Variants in EXOC6B observed in about 807,000 individuals in gnomAD.
EXOC6B encodes SEC15 homolog B.
A neutral mutation model predicts 113.5 loss-of-function variants in EXOC6B; 54 were observed. The ratio of observed to expected loss-of-function variants is 0.48; its 90% CI spans 0.38 to 0.60. The LOEUF (loss-of-function observed/expected upper bound fraction) is 0.60, where lower values mean the gene tolerates loss of function less well. EXOC6B is among the 20% of genes least tolerant of loss of function. The pLI is 0.00. For synonymous variants in EXOC6B, 357 were observed against 339.0 expected, an observed-to-expected ratio of 1.05 and a Z score of -0.58; for missense variants, 797 against 977.5, an observed-to-expected ratio of 0.82 and a Z score of 2.46.
chr2:72,767,827 A>AAAAAAAAAAAAAAAAAAAAAAC (rs1683171576), intron 1 of EXOC6B, among the ~76,000 whole-genome samples: 1 of 141,106 alleles, frequency 7.1e-6, no homozygotes. Flanking sequence ...AAAAAAAAAA[A>AAAAAAAAAAAAAAAAAAAAAAC]AAAAAAGACC....
At chr2:72,422,835 T>C (rs557049591) in intron 18 of EXOC6B, among the ~76,000 whole-genome samples, 232 of 152,238 alleles carry the variant, frequency 1.5e-3, no homozygotes, top group African/African-American at 5.4e-3. Context: ...GATGAGGACA[T>C]GGAGAACCTT....
chr2:72,406,567 C>T (rs1033667428), intron 18 of EXOC6B, among the ~76,000 whole-genome samples: 24 of 152,168 alleles, frequency 1.6e-4, no homozygotes, highest in Middle Eastern at 3.2e-3. Context: ...AACCGCTCAA[C>T]GACATGGAAA....
At chr2:72,356,605 A>G (rs1352683312) in intron 19 of EXOC6B, among the ~76,000 whole-genome samples, 1 of 152,234 alleles carries the variant, frequency 6.6e-6, no homozygotes, top group Non-Finnish European at 1.5e-5. Context: ...AAGGCAGACT[A>G]TATGAGAGAG....
chr2:72,626,416 A>G (rs1672054050), intron 6 of EXOC6B, among the ~76,000 whole-genome samples: 2 of 152,130 alleles, frequency 1.3e-5, no homozygotes, highest in Non-Finnish European at 2.9e-5. Flanking sequence ...GTTAGGTTCT[A>G]ATTTTTAGAG....
At chr2:72,435,354 T>C (rs1695789298) in intron 18 of EXOC6B, among the ~76,000 whole-genome samples, 2 of 152,336 alleles carry the variant, frequency 1.3e-5, no homozygotes, top group Non-Finnish European at 2.9e-5. Context: ...GTAAGTCCTA[T>C]GTGGTGCTGA....
intron 11 of EXOC6B, among the ~76,000 whole-genome samples, chr2:72,508,182 A>C (rs1332583274): frequency 1.9e-4 from 28 of 149,056 alleles, no homozygotes; most frequent in Non-Finnish European, 3.6e-4. Context: ...AAAAAAAAAA[A>C]AAACACCTAA....
intron 6 of EXOC6B, among the ~76,000 whole-genome samples, chr2:72,603,059 T>C (rs1413234345): frequency 7.0e-6 from 1 of 141,890 alleles, no homozygotes; most frequent in Non-Finnish European, 1.5e-5. Context: ...GGTTAACTTG[T>C]GTACGGACAG....
intron 19 of EXOC6B, among the ~76,000 whole-genome samples, chr2:72,368,410 T>C (rs1690772941): frequency 6.6e-6 from 1 of 152,046 alleles, no homozygotes; most frequent in Admixed American, 6.6e-5. Flanking sequence ...ACCAGAGGGA[T>C]TCACAGCCAA....
At chr2:72,402,330 A>G (rs888443160) in intron 18 of EXOC6B, among the ~76,000 whole-genome samples, 4 of 152,222 alleles carry the variant, frequency 2.6e-5, no homozygotes, top group Non-Finnish European at 5.9e-5. Flanking sequence ...AATGTTTACA[A>G]TTATATTTAA....
intron 21 of EXOC6B, chr2:72,182,967 ATC>A: frequency 8.6e-7 from 1 of 1,156,156 alleles, no homozygotes; most frequent in African/African-American, 1.6e-5. Context: ...GGAAACATCA[ATC>A]TCTGACGTGG....
chr2:72,792,030 T>TG (rs1276348473), intron 1 of EXOC6B, among the ~76,000 whole-genome samples: 2 of 152,230 alleles, frequency 1.3e-5, no homozygotes, highest in African/African-American at 4.8e-5. Context: ...CAGGTTCTGT[T>TG]GCCTAGCTAT....
In EXOC6B at chr2:72,350,332, C is replaced by T. The variant is rs140420325; in HGVS notation, c.2123-15312G>A. On this transcript the variant is annotated intron_variant, in intron 19 of 21. Coordinates refer to ENST00000272427, the MANE Select transcript of EXOC6B (RefSeq NM_015189.3). The stretch of plus-strand genomic sequence containing the variant: ...TGCTTCATGGAATTGTTCTAGGATT[C>T]GTTGATAACTTTTCCCCCAATATAG... Among the ~76,000 whole-genome samples, 1,026 of 152,126 alleles carry T rather than the reference C, an allele frequency of 6.7e-3. 12 individuals are homozygous for T. Among genetic ancestry groups the T allele is most frequent in the African/African-American group, 0.023 (955 of 41,510 alleles).
At chr2:72,665,463 A>G (rs991378302) in intron 6 of EXOC6B, among the ~76,000 whole-genome samples, 1 of 152,144 alleles carries the variant, frequency 6.6e-6, no homozygotes, top group African/African-American at 2.4e-5. Context: ...GGGTCAAGTC[A>G]CTTATAAAGG....
At chr2:72,813,925 G>C (rs996315905) in intron 1 of EXOC6B, among the ~76,000 whole-genome samples, 1 of 152,208 alleles carries the variant, frequency 6.6e-6, no homozygotes, top group South Asian at 2.1e-4. Flanking sequence ...CAAGCACAAA[G>C]AGGAGGAAAG....
At chr2:72,765,300 AAATAAAAATAAATAAATG>A (rs1158356819) in intron 1 of EXOC6B, among the ~76,000 whole-genome samples, 47 of 152,296 alleles carry the variant, frequency 3.1e-4, no homozygotes, top group African/African-American at 1.1e-3. Context: ...AAAAAATTTA[AAATAAAAATAAATAAATG>A]AATACCTCTC....
At chr2:72,617,208 C>A (rs369664959) in intron 6 of EXOC6B, among the ~76,000 whole-genome samples, 2 of 152,208 alleles carry the variant, frequency 1.3e-5, no homozygotes, top group Admixed American at 6.5e-5. Flanking sequence ...GTATAGCCCC[C>A]CTCCTGGCTG....
At chr2:72,394,848 T>A (rs1247207990) in intron 18 of EXOC6B, among the ~76,000 whole-genome samples, 1 of 152,100 alleles carries the variant, frequency 6.6e-6, no homozygotes, top group Non-Finnish European at 1.5e-5. Context: ...AGTTCTCTCT[T>A]ACTACACACA....
chr2:72,490,763 C>G (rs1699698444), intron 16 of EXOC6B, among the ~76,000 whole-genome samples: 2 of 152,074 alleles, frequency 1.3e-5, no homozygotes. Context: ...CTATTATTAC[C>G]TGACCCGTAC....
intron 18 of EXOC6B, among the ~76,000 whole-genome samples, chr2:72,410,159 G>C (rs939613740): frequency 6.6e-6 from 1 of 152,092 alleles, no homozygotes; most frequent in Non-Finnish European, 1.5e-5. Context: ...TGTTTCTGTA[G>C]GACGACTTTG....
Sources: allele counts gnomAD v4.1 joint callset (sites outside exome capture counted in the v4.1 genomes callset), GRCh38; gene constraint gnomAD v4.1.1; transcripts MANE v1.5; gene names NCBI Gene and HGNC (gene_info 2026-07-23, HGNC 2026-07-21).